The following CTTN variants were observed in gnomAD, a reference collection of about 807,000 sequenced individuals.
The protein encoded by CTTN is cortactin, also known as src substrate cortactin.
In CTTN, 28 loss-of-function variants were observed where a neutral mutation model predicts 84.0. That is an observed-to-expected ratio of 0.33 (90% CI 0.25 to 0.46). CTTN has a LOEUF of 0.46. Among genes scored for constraint, CTTN ranks in the 20% least tolerant of loss-of-function variants. The pLI, the probability that CTTN is intolerant of heterozygous loss-of-function variation, is 1.00. For missense variants in CTTN, 641 were observed against 723.8 expected, an observed-to-expected ratio of 0.89 and a Z score of 1.31; for synonymous variants, 301 against 288.8, an observed-to-expected ratio of 1.04 and a Z score of -0.43.
intron 6 of CTTN, 31 bp downstream of exon 6, chr11:70,414,683 G>A (rs572596254): frequency 1.9e-6 from 3 of 1,547,388 alleles, no homozygotes; most frequent in African/African-American, 1.4e-5. Context: ...ACTGGGGCAG[G>A]TTGGGGCAAG....
At chr11:70,401,642 C>T (rs940449543) in intron 1 of CTTN, among the ~76,000 whole-genome samples, 6 of 150,032 alleles carry the variant, frequency 4.0e-5, no homozygotes, top group African/African-American at 9.8e-5. Context: ...AGTGAGACTT[C>T]GTCTCAAACA....
intron 12 of CTTN, among the ~76,000 whole-genome samples, chr11:70,424,950 C>G (rs1266632511): frequency 1.3e-5 from 2 of 152,138 alleles, no homozygotes; most frequent in African/African-American, 4.8e-5. Context: ...GATTGCACCA[C>G]TGGGTAGTGT....
At chr11:70,431,380 C>T (rs758361618) in intron 15 of CTTN, 100 bp downstream of exon 15, 19 of 1,275,726 alleles carry the variant, frequency 1.5e-5, no homozygotes, top group African/African-American at 2.9e-5. Context: ...GGCAGTGTGG[C>T]GTGGGTGTAG....
rs73516275 is a variant in CTTN at position 70,408,690 on chromosome 11, G to A, written c.161+1099G>A. 8.7e-3 allele frequency among the ~76,000 whole-genome samples: 1,331 copies of A among 152,206 alleles called. 18 individuals are homozygous for A. Among genetic ancestry groups the A allele is most frequent in the African/African-American group, 0.03 (1,266 of 41,532 alleles). On this transcript the variant is annotated intron_variant, in intron 4 of 17. Coordinates refer to ENST00000301843, the MANE Select transcript of CTTN (RefSeq NM_005231.4). ...GCTGGGATCACAGGTGTGTGCCGCC[G>A]CACCTGGCCCCCAGTGGCTTTTTAT...
chr11:70,434,957 T>A, intron 17 of CTTN, 69 bp from the exon 18 acceptor site: 1 of 1,558,480 alleles, frequency 6.4e-7, no homozygotes, highest in South Asian at 1.1e-5. Flanking sequence ...TGCTCTGGGT[T>A]GTGCTTTTTT....
intron 1 of CTTN, among the ~76,000 whole-genome samples, chr11:70,403,078 C>A (rs2058004776): frequency 6.6e-6 from 1 of 151,974 alleles, no homozygotes; most frequent in Non-Finnish European, 1.5e-5. Context: ...CAAACTTTTC[C>A]TGAGCTTGTT....
chr11:70,432,173 G>A (rs117673355), intron 15 of CTTN, among the ~76,000 whole-genome samples: 5 of 152,236 alleles, frequency 3.3e-5, no homozygotes, highest in Non-Finnish European at 7.4e-5. Context: ...TTACCCTGCC[G>A]GGCCCTGGGG....
intron 12 of CTTN, among the ~76,000 whole-genome samples, chr11:70,423,800 A>G (rs1376223845): frequency 2.6e-5 from 4 of 152,218 alleles, no homozygotes; most frequent in Non-Finnish European, 5.9e-5. Flanking sequence ...TGCGTCACAC[A>G]CCACAGAGCA....
chr11:70,419,919 C>T (rs769855780), intron 9 of CTTN, 63 bp downstream of exon 9: 227 of 1,284,030 alleles, frequency 1.8e-4, no homozygotes, highest in Non-Finnish European at 2.4e-4. Flanking sequence ...GGTAGCCACA[C>T]CGGAAAAGGA....
chr11:70,420,427 T>C lies in CTTN; in HGVS notation c.707T>C (p.Phe236Ser), dbSNP rs1308336242. 1.2e-6 allele frequency: 2 copies of C among 1,614,150 alleles called. No homozygotes were observed. The highest frequency in any genetic ancestry group is 1.7e-6 in the Non-Finnish European group (2 of 1,180,022). ...KDYVKGFGGKFGVQTDRQDKC... is the reference protein window; with the variant it reads ...KDYVKGFGGKSGVQTDRQDKC... Reference sequence around the variant, plus strand: ...TATGTGAAAGGGTTTGGAGGAAAATTTGGTGTGCAGACAGACAGACAAGAC... The same window carrying C: ...TATGTGAAAGGGTTTGGAGGAAAATCTGGTGTGCAGACAGACAGACAAGAC... Residue 236 changes from phenylalanine (F) to serine (S), a missense_variant, in exon 10 of 18, where the codon TTT becomes TCT. Around this residue, in one of 3 missense-constraint regions of CTTN, gnomAD observed 284 missense variants for 348.4 expected, o/e 0.82. Coordinates refer to ENST00000301843, the MANE Select transcript of CTTN (RefSeq NM_005231.4).
chr11:70,423,163 A>G (rs1429684773), intron 12 of CTTN, among the ~76,000 whole-genome samples, 168 bp downstream of exon 12: 2 of 151,834 alleles, frequency 1.3e-5, no homozygotes, highest in East Asian at 3.9e-4. Context: ...TGTGCTCCTC[A>G]TGGCCGTGCT....
chr11:70,407,416 C>A, intron 3 of CTTN, 32 bp downstream of exon 3: 3 of 1,611,906 alleles, frequency 1.9e-6, no homozygotes, highest in East Asian at 2.2e-5. Context: ...TTTCCTCTTT[C>A]ATGAAGTGGA....
chr11:70,419,435 G>C (rs2058203172), intron 8 of CTTN, among the ~76,000 whole-genome samples: 2 of 151,888 alleles, frequency 1.3e-5, no homozygotes, highest in Non-Finnish European at 2.9e-5. Context: ...TAAAATATTA[G>C]CTAATGATTT....
At position 70,431,294 on chromosome 11, in the gene CTTN, G is replaced by A; in HGVS notation, c.1266+14G>A. On this transcript the variant is annotated intron_variant, in intron 15 of 17. Transcript: ENST00000301843. ...CCCGTCTATGAGGTTGGTGTCTTTGGTGTTTGAATGAGCGTGAGTGACTTA... is the reference window on the plus strand; with the variant it reads ...CCCGTCTATGAGGTTGGTGTCTTTGATGTTTGAATGAGCGTGAGTGACTTA... 6.2e-7 allele frequency: 1 copy of A among 1,613,396 alleles called. No individual in the cohort carries two copies. Among genetic ancestry groups the A allele is most frequent in the Non-Finnish European group, 8.5e-7 (1 of 1,179,336 alleles).
At chr11:70,425,131 C>T (rs1051608070) in intron 12 of CTTN, among the ~76,000 whole-genome samples, 2 of 152,110 alleles carry the variant, frequency 1.3e-5, no homozygotes, top group African/African-American at 2.4e-5. Context: ...TGCTGACCCA[C>T]GATTGCCTGC....
At chr11:70,422,422 T>C (rs1010948539) in intron 11 of CTTN, 15 of 1,036,598 alleles carry the variant, frequency 1.4e-5, no homozygotes, top group Non-Finnish European at 1.7e-5. Flanking sequence ...TGCATGACAG[T>C]GTGACTTTCA....
intron 1 of CTTN, among the ~76,000 whole-genome samples, chr11:70,403,208 GA>G (rs1408339429): frequency 2.9e-4 from 5 of 17,040 alleles, no homozygotes; most frequent in Non-Finnish European, 5.6e-4. Context: ...TTTTTTTTTT[GA>G]GATGGAGTCT....
At chr11:70,433,805 G>A (rs1293680924) in intron 17 of CTTN, 87 bp downstream of exon 17, 22 of 893,876 alleles carry the variant, frequency 2.5e-5, no homozygotes, top group Non-Finnish European at 3.0e-5. Context: ...CTTCTCTAGC[G>A]TTGTTAGTTT....
intron 1 of CTTN, among the ~76,000 whole-genome samples, chr11:70,401,835 GA>G (rs1013067713): frequency 1.4e-5 from 2 of 142,982 alleles, no homozygotes; most frequent in Non-Finnish European, 1.5e-5. Flanking sequence ...CCCTGTCTCA[GA>G]AAAAAAAAAG....
Sources: gnomAD v4.1 joint callset for allele counts (sites outside exome capture counted in the v4.1 genomes callset) on GRCh38, gnomAD v4.1.1 for gene constraint, gnomAD v4.1.1 regional missense constraint, MANE v1.5 for transcripts, NCBI Gene and HGNC (gene_info 2026-07-23, HGNC 2026-07-21) for gene names.